Variants in LAD1 observed in about 807,000 individuals in gnomAD.
LAD1 encodes ladinin 1, also known as ladinin-1.
A neutral mutation model predicts 54.2 loss-of-function variants in LAD1; 53 were observed. The observed-to-expected ratio is 0.98, with a 90% CI of 0.78 to 1.23. LAD1 has a LOEUF of 1.23. LAD1 is among the 50% of genes most tolerant of loss of function. The pLI is 0.00. For missense variants in LAD1, 637 were observed against 653.3 expected (o/e 0.98, Z 0.27); for synonymous variants, 231 against 257.7 (o/e 0.90, Z 0.99).
rs150517332 is a variant in LAD1, at chr1:201,386,931, G to A, written c.430C>T (p.Arg144Trp). The A allele has an allele frequency of 1.7e-4, 270 of 1,612,630 alleles. 2 individuals are homozygous for A. The East Asian group carries it at 1.7e-3, about 10-fold the overall frequency. Residue 144 changes from arginine to tryptophan, a missense_variant, in exon 3 of 10, where the codon CGG becomes TGG. Transcript: ENST00000391967. Reference sequence around the variant, plus strand: ...CCCCGCTGTTCCCGACTCAGTCTCCGGCGAGGTGGGATTTCCAGTTCCTTC... The same window carrying A: ...CCCCGCTGTTCCCGACTCAGTCTCCAGCGAGGTGGGATTTCCAGTTCCTTC... ...SKKELEIPPR[R>W]RLSREQRGPW...
intron 1 of LAD1, among the ~76,000 whole-genome samples, chr1:201,392,249 TA>T (rs34852843): frequency 6.6e-6 from 1 of 152,208 alleles, no homozygotes; most frequent in Admixed American, 6.5e-5. Flanking sequence ...CAATATTCAC[TA>T]AAAAATTACT....
chr1:201,385,132 C>T lies in LAD1; in HGVS notation c.1132-297G>A, dbSNP rs530181564. Among the ~76,000 whole-genome samples the T allele has an allele frequency of 7.9e-5, 12 of 152,336 alleles. No homozygotes were observed. The South Asian group carries it at 2.5e-3, about 32-fold the overall frequency. ...CTATCTGCCTCCCACTGCCCATGAGCTCTGTGGGGGCACCAGTCGCTATTG... is the reference window on the plus strand; with the variant it reads ...CTATCTGCCTCCCACTGCCCATGAGTTCTGTGGGGGCACCAGTCGCTATTG... On this transcript the variant is annotated intron_variant, in intron 4 of 9. Transcript: ENST00000391967.
intron 1 of LAD1, among the ~76,000 whole-genome samples, chr1:201,394,816 G>C (rs1248369017): frequency 6.6e-6 from 1 of 152,152 alleles, no homozygotes; most frequent in Non-Finnish European, 1.5e-5. Flanking sequence ...GGGGAAAGTG[G>C]CCCACAAAGC....
intron 1 of LAD1, among the ~76,000 whole-genome samples, chr1:201,398,150 A>G (rs1662333639): frequency 1.3e-5 from 2 of 152,178 alleles, no homozygotes; most frequent in Admixed American, 1.3e-4. Context: ...TAAGCCTGAG[A>G]CAATGAGGTA....
rs1661984490 is a variant in LAD1, at chr1:201,382,554, C to A, written c.1473+99G>T. 2.9e-6 allele frequency: 3 copies of A among 1,037,206 alleles called. No homozygotes were observed. The African/African-American group carries it at 4.8e-5, about 17-fold the overall frequency. 64.3% of individuals were successfully genotyped at this position (1,037,206 alleles called of 1,614,324 possible). A position where few individuals can be genotyped will look rare whatever the true frequency, so the allele number is the denominator to read the frequency against. On this transcript the variant is annotated intron_variant, in intron 8 of 9. Coordinates refer to ENST00000391967, the MANE Select transcript of LAD1 (RefSeq NM_005558.4). The stretch of plus-strand genomic sequence containing the variant: ...CCTCTCCCGAAATGACTCCTCCTCT[C>A]CCGAAATGACTCCTCCTCTCCCGAC...
chr1:201,385,586 C>G, intron 4 of LAD1, 115 bp downstream of exon 4: 1 of 791,880 alleles, frequency 1.3e-6, no homozygotes, highest in Non-Finnish European at 2.2e-6. Flanking sequence ...ATCCAAAGCT[C>G]CTCTCTATCC....
chr1:201,391,262 T>A (rs1662192246), intron 1 of LAD1: 1 of 410,916 alleles, frequency 2.4e-6, no homozygotes, highest in African/African-American at 2.1e-5. Context: ...CTACTTTTGG[T>A]TCCTGCCCCA....
chr1:201,387,412 C>G (rs1033430409), intron 2 of LAD1, among the ~76,000 whole-genome samples: 1 of 152,214 alleles, frequency 6.6e-6, no homozygotes, highest in South Asian at 2.1e-4. Flanking sequence ...TGAAGTCCAA[C>G]GACTCCATGT....
At position 201,386,392 on chromosome 1, in the gene LAD1, C is replaced by T. The variant is rs1662086887; in HGVS notation, c.969G>A (p.Lys323=). 6.6e-7 allele frequency: 1 copy of T among 1,520,698 alleles called. No individual in the cohort carries two copies. Among genetic ancestry groups the T allele is most frequent in the African/African-American group, 1.4e-5 (1 of 71,756 alleles). 94.2% of individuals were successfully genotyped at this position (1,520,698 alleles called of 1,614,324 possible). ...LPGKNLPSLA[K]QGASDPPTVA... ...CAGTCGGAGGGTCTGAAGCCCCCTG[C>T]TTTGCCAAAGAGGGCAGGTTCTTCC... is the stretch of plus-strand genomic sequence containing the variant. The change falls in exon 3 of 10, where the codon AAG becomes AAA. Residue 323 remains lysine, a synonymous_variant. Transcript: ENST00000391967.
intron 5 of LAD1, among the ~76,000 whole-genome samples, chr1:201,384,527 C>T (rs1662033966): frequency 6.6e-6 from 1 of 152,120 alleles, no homozygotes; most frequent in South Asian, 2.1e-4. Context: ...AGGCTAAACC[C>T]TCATCCCCCT....
intron 5 of LAD1, among the ~76,000 whole-genome samples, chr1:201,384,384 C>T (rs970953067): frequency 1.1e-4 from 17 of 152,090 alleles, no homozygotes; most frequent in East Asian, 5.8e-4. Context: ...TCAACACCAG[C>T]GAGCCCAGGA....
intron 1 of LAD1, among the ~76,000 whole-genome samples, chr1:201,392,593 C>G (rs1240992189): frequency 6.6e-6 from 1 of 152,144 alleles, no homozygotes; most frequent in Admixed American, 6.5e-5. Flanking sequence ...GCTGGGTATT[C>G]AGGGGAAGAC....
In LAD1 at chr1:201,381,695, A is replaced by G; in HGVS notation, c.*193T>C. 2.9e-6 allele frequency: 2 copies of G among 678,266 alleles called. No homozygotes were observed. The highest frequency in any genetic ancestry group is 1.7e-5 in the South Asian group (1 of 59,330). 42.0% of individuals were successfully genotyped at this position (678,266 alleles called of 1,614,324 possible). A position where few individuals can be genotyped will look rare whatever the true frequency, so the allele number is the denominator to read the frequency against. ...GCAGGGTGAGAAAGTCCCAGCCCCA[A>G]GAGGCTGGGCTGGGAAGGAGCTGGC... On this transcript the variant is annotated 3_prime_UTR_variant, in exon 10 of 10. Coordinates refer to ENST00000391967, the MANE Select transcript of LAD1 (RefSeq NM_005558.4).
intron 1 of LAD1, 49 bp from the exon 2 acceptor site, chr1:201,389,352 C>T (rs769281589): frequency 1.9e-6 from 3 of 1,581,120 alleles, no homozygotes; most frequent in South Asian, 2.2e-5. Flanking sequence ...ACCCAGGACC[C>T]TCCCGAGGCA....
chr1:201,394,094 G>T (rs933052119), intron 1 of LAD1, among the ~76,000 whole-genome samples: 1 of 152,180 alleles, frequency 6.6e-6, no homozygotes, highest in Non-Finnish European at 1.5e-5. Context: ...AGAAACAACC[G>T]CAGGATAGGG....
At position 201,387,196 on chromosome 1, in the gene LAD1, A is replaced by C; in HGVS notation, c.183-18T>G. On this transcript the variant is annotated intron_variant, in intron 2 of 9. Transcript: ENST00000391967. ...TCGGTAGTCTGAATCAGAAGATGGGAGACAGAATCAGAGGATAGAGGTGGA... is the reference window on the plus strand; with the variant it reads ...TCGGTAGTCTGAATCAGAAGATGGGCGACAGAATCAGAGGATAGAGGTGGA... 6.7e-7 allele frequency: 1 copy of C among 1,490,786 alleles called. No individual in the cohort carries two copies. Among genetic ancestry groups the C allele is most frequent in the Non-Finnish European group, 8.9e-7 (1 of 1,122,728 alleles). 92.3% of individuals were successfully genotyped at this position (1,490,786 alleles called of 1,614,324 possible).
chr1:201,386,981 G>A lies in LAD1; in HGVS notation c.380C>T (p.Ala127Val). Residue 127 changes from alanine (A) to valine (V), a missense_variant, in exon 3 of 10, where the codon GCC (alanine) becomes GTC (valine). Ala to Val is a moderately conservative substitution (Grantham distance 64, BLOSUM62 0). Transcript: ENST00000391967. Reference protein sequence around the residue: ...EGRNSLSPVQATQKPLVSKKE... With the variant: ...EGRNSLSPVQVTQKPLVSKKE... The stretch of plus-strand genomic sequence containing the variant: ...CTTGGAGACTAGGGGTTTCTGTGTG[G>A]CCTGCACAGGGCTCAAGCTGTTCCT... 6.2e-7 allele frequency: 1 copy of A among 1,609,204 alleles called. No individual in the cohort carries two copies. Among genetic ancestry groups the A allele is most frequent in the Non-Finnish European group, 8.5e-7 (1 of 1,178,168 alleles).
Position 201,387,074 on chromosome 1 carries a change from C to T in LAD1, c.287G>A (p.Arg96Lys), listed in dbSNP as rs756582952. ...AGCCTCCACCACCTGCCGCCTCTGC[C>T]TCCGCTCCTGCCGTGTTCTGAGGAT... The part of the protein sequence containing the change: ...QSILRTRQER[R>K]QRRQVVEAAQ... Residue 96 changes from arginine (R) to lysine (K), a missense_variant, in exon 3 of 10, where the codon AGG (arginine) becomes AAG (lysine). Arg to Lys is a conservative substitution (Grantham distance 26). Transcript: ENST00000391967. 1.9e-6 allele frequency: 3 copies of T among 1,611,598 alleles called. No individual in the cohort carries two copies. The highest frequency in any genetic ancestry group is 2.5e-6 in the Non-Finnish European group (3 of 1,179,050).
intron 1 of LAD1, among the ~76,000 whole-genome samples, chr1:201,393,486 C>T (rs570770270): frequency 3.5e-4 from 54 of 152,304 alleles, no homozygotes; most frequent in Admixed American, 1.8e-3. Context: ...TGGCTCATGC[C>T]TGTAATCCTA....
Sources: gnomAD v4.1 joint callset for allele counts (sites outside exome capture counted in the v4.1 genomes callset) on GRCh38, gnomAD v4.1.1 for gene constraint, MANE v1.5 for transcripts, NCBI Gene and HGNC (gene_info 2026-07-23, HGNC 2026-07-21) for gene names.